The following PPARGC1B variants were observed in gnomAD, a reference collection of about 807,000 sequenced individuals.
The protein encoded by PPARGC1B is peroxisome proliferator-activated receptor gamma coactivator 1-beta.
PPARGC1B carries 34 observed loss-of-function variants against 101.6 expected under a neutral mutation model. The ratio of observed to expected loss-of-function variants is 0.33; its 90% CI spans 0.25 to 0.45. The LOEUF is 0.45. Ranked by LOEUF, PPARGC1B falls within the 20% of genes least tolerant of loss-of-function variation. PPARGC1B has a pLI of 1.00. For synonymous variants in PPARGC1B, 548 were observed against 539.3 expected (o/e 1.02, Z -0.22); for missense variants, 1,234 against 1,317.6 (o/e 0.94, Z 0.98).
intron 1 of PPARGC1B, among the ~76,000 whole-genome samples, chr5:149,752,462 G>A (rs577623131): frequency 2.8e-4 from 42 of 152,338 alleles, no homozygotes; most frequent in Admixed American, 4.6e-4. Flanking sequence ...ATACACTGTG[G>A]TTCAATGTGA....
intron 1 of PPARGC1B, among the ~76,000 whole-genome samples, chr5:149,751,861 A>G (rs573300972): frequency 1.2e-4 from 18 of 152,258 alleles, no homozygotes; most frequent in Admixed American, 6.5e-4. Context: ...GCCTCCTTTT[A>G]TGGGCGGATT....
chr5:149,825,560 G>A (rs1758482107), intron 2 of PPARGC1B, among the ~76,000 whole-genome samples: 1 of 152,230 alleles, frequency 6.6e-6, no homozygotes, highest in Admixed American at 6.5e-5. Context: ...ACCCTCAAGA[G>A]CCTGTAAGTC....
rs182015849 is a variant in PPARGC1B, at chr5:149,754,620, G to A, written c.78+24200G>A. ...CTTAAACTTTACAGCCAAGTCATCT[G>A]GTTAAACAGGTAGGCAGAGTGAGGC... is the stretch of plus-strand genomic sequence containing the variant. On this transcript the variant is annotated intron_variant, in intron 1 of 11. Coordinates refer to ENST00000309241, the MANE Select transcript of PPARGC1B (RefSeq NM_133263.4). 2.8e-3 allele frequency among the ~76,000 whole-genome samples: 427 copies of A among 152,178 alleles called. 1 individual carries two copies. The highest frequency in any genetic ancestry group is 5.0e-3 in the Non-Finnish European group (338 of 68,014).
chr5:149,815,562 T>G (rs109076), intron 1 of PPARGC1B, among the ~76,000 whole-genome samples: 37,427 of 151,976 alleles, frequency 0.25, 4,847 homozygotes, highest in African/African-American at 0.29. Context: ...TTTACTTACT[T>G]ACAATTTATT....
intron 1 of PPARGC1B, among the ~76,000 whole-genome samples, chr5:149,741,144 C>T (rs569058523): frequency 8.5e-5 from 13 of 152,252 alleles, no homozygotes; most frequent in African/African-American, 2.9e-4. Context: ...GGATGCTCCC[C>T]GACAGCTCTG....
chr5:149,741,160 G>A (rs775336724), intron 1 of PPARGC1B, among the ~76,000 whole-genome samples: 2 of 152,196 alleles, frequency 1.3e-5, no homozygotes, highest in African/African-American at 2.4e-5. Flanking sequence ...CTCTGCAGCC[G>A]TATTTTTTCC....
chr5:149,774,520 A>G (rs1012945381), intron 1 of PPARGC1B, among the ~76,000 whole-genome samples: 2 of 151,962 alleles, frequency 1.3e-5, no homozygotes, highest in African/African-American at 4.8e-5. Context: ...CCTGACCACA[A>G]TAATCACATC....
intron 1 of PPARGC1B, among the ~76,000 whole-genome samples, chr5:149,818,455 G>C (rs910677077): frequency 6.6e-6 from 1 of 152,194 alleles, no homozygotes; most frequent in Non-Finnish European, 1.5e-5. Context: ...GCCTGCTTGA[G>C]GACAGGGGAC....
Position 149,800,298 on chromosome 5 carries a change from C to T in PPARGC1B, c.79-20135C>T, listed in dbSNP as rs534450414. The stretch of plus-strand genomic sequence containing the variant: ...TTGGCAGTCTTCCCATAGCAGTGCA[C>T]GAGGGGAGGGATGGCTTTTGACCAG... On this transcript the variant is annotated intron_variant, in intron 1 of 11. Coordinates refer to ENST00000309241, the MANE Select transcript of PPARGC1B (RefSeq NM_133263.4). Among the ~76,000 whole-genome samples, 8 of 152,202 alleles carry T rather than the reference C, an allele frequency of 5.3e-5. No individual in the cohort carries two copies. In the South Asian group the frequency reaches 6.2e-4, roughly 12 times the overall value.
intron 1 of PPARGC1B, among the ~76,000 whole-genome samples, chr5:149,764,360 A>C (rs999560384): frequency 6.6e-6 from 1 of 152,308 alleles, no homozygotes; most frequent in Admixed American, 6.5e-5. Flanking sequence ...CCAGCCCTGC[A>C]CTGGAGGCTG....
chr5:149,842,190 A>G, intron 9 of PPARGC1B, 66 bp from the exon 10 acceptor site: 2 of 1,590,934 alleles, frequency 1.3e-6, no homozygotes, highest in Non-Finnish European at 1.7e-6. Flanking sequence ...ACGGGAGCCC[A>G]CTCCCAGAGG....
intron 7 of PPARGC1B, among the ~76,000 whole-genome samples, chr5:149,835,944 G>A (rs1276254251): frequency 6.6e-6 from 1 of 150,468 alleles, no homozygotes; most frequent in Non-Finnish European, 1.5e-5. Context: ...CCCAAACTAG[G>A]GTCTTTTTTT....
intron 1 of PPARGC1B, among the ~76,000 whole-genome samples, chr5:149,743,092 T>C (rs1754966632): frequency 6.6e-6 from 1 of 151,996 alleles, no homozygotes; most frequent in African/African-American, 2.4e-5. Context: ...TGGCCTTCCC[T>C]GGAGCCTGGT....
At position 149,832,974 on chromosome 5, in the gene PPARGC1B, C is replaced by G. The variant is rs146263616; in HGVS notation, c.901C>G (p.Gln301Glu). The G allele has an allele frequency of 7.4e-6, 12 of 1,613,352 alleles. No individual in the cohort carries two copies. The African/African-American group carries it at 1.3e-4, about 18-fold the overall frequency. The change falls in exon 5 of 12, where the codon CAG (glutamine) becomes GAG (glutamate). Residue 301 changes from glutamine to glutamate, a missense_variant. Physicochemically the swap from Gln to Glu is conservative, Grantham distance 29 (BLOSUM62 2). This residue lies in a region of PPARGC1B where 734 missense variants were observed against 768.4 expected (regional missense o/e 0.96). Transcript: ENST00000309241. The surrounding 1 kb of genome is among the most constrained non-coding windows in gnomAD (Gnocchi z 4.9). ...IRYMHTYCLP[Q>E]RKLPPQTPEP... ...CTACATGCACACCTACTGCCTCCCC[C>G]AGAGGAAGCTGCCCCCACAGACCCC... is the stretch of plus-strand genomic sequence containing the variant.
At chr5:149,757,129 A>G (rs1004199320) in intron 1 of PPARGC1B, among the ~76,000 whole-genome samples, 4 of 152,202 alleles carry the variant, frequency 2.6e-5, no homozygotes, top group Non-Finnish European at 4.4e-5. Context: ...GGGTTATGCT[A>G]GAAAGTGCGG....
Position 149,807,497 on chromosome 5 carries a change from A to G in PPARGC1B, c.79-12936A>G, listed in dbSNP as rs576732321. On this transcript the variant is annotated intron_variant, in intron 1 of 11. Coordinates refer to ENST00000309241, the MANE Select transcript of PPARGC1B (RefSeq NM_133263.4). ...CCAAGGTCAGAATTCCAGCGAGTAG[A>G]CTGCCAGAGGACATCCTGATTGCAG... Among the ~76,000 whole-genome samples the G allele has an allele frequency of 3.0e-4, 46 of 152,260 alleles. No homozygotes were observed. The East Asian group carries it at 8.5e-3, about 28-fold the overall frequency.
intron 3 of PPARGC1B, among the ~76,000 whole-genome samples, chr5:149,828,101 C>T (rs1380796456): frequency 6.6e-6 from 1 of 152,192 alleles, no homozygotes; most frequent in Non-Finnish European, 1.5e-5. Flanking sequence ...CACAGCAAGT[C>T]AGTGTGCCAG....
In PPARGC1B at chr5:149,832,504, T is replaced by C. The variant is rs1178383529; in HGVS notation, c.583-152T>C. 3 of 644,826 alleles carry C rather than the reference T, an allele frequency of 4.7e-6. No homozygotes were observed. The highest frequency in any genetic ancestry group is 7.9e-6 in the Non-Finnish European group (3 of 379,684). 39.9% of individuals were successfully genotyped at this position (644,826 alleles called of 1,614,324 possible). A position where few individuals can be genotyped will look rare whatever the true frequency, so the allele number is the denominator to read the frequency against. On this transcript the variant is annotated intron_variant, in intron 4 of 11. Coordinates refer to ENST00000309241, the MANE Select transcript of PPARGC1B (RefSeq NM_133263.4). This position sits in a 1 kb window ranked among gnomAD's most constrained non-coding sequence, Gnocchi z 4.9. ...CACTGAGCACAGCCAGGTGCCCGGCTCTGTGTGGGAAGCTGGGGACGGAAT... is the reference window on the plus strand; with the variant it reads ...CACTGAGCACAGCCAGGTGCCCGGCCCTGTGTGGGAAGCTGGGGACGGAAT...
chr5:149,832,591 C>A lies in PPARGC1B; in HGVS notation c.583-65C>A. The A allele has an allele frequency of 7.6e-7, 1 of 1,310,024 alleles. No individual in the cohort carries two copies. The highest frequency in any genetic ancestry group is 1.0e-6 in the Non-Finnish European group (1 of 955,320). 81.2% of individuals were successfully genotyped at this position (1,310,024 alleles called of 1,614,324 possible). A position where few individuals can be genotyped will look rare whatever the true frequency, so the allele number is the denominator to read the frequency against. ...CACAATGGGCCAGCCAGTGACCATG[C>A]GGATGAGACACATGGGAGGAGTGTT... On this transcript the variant is annotated intron_variant, in intron 4 of 11. Coordinates refer to ENST00000309241, the MANE Select transcript of PPARGC1B (RefSeq NM_133263.4). The surrounding 1 kb of genome is among the most constrained non-coding windows in gnomAD (Gnocchi z 4.9).
Sources: gnomAD v4.1 joint callset for allele counts (sites outside exome capture counted in the v4.1 genomes callset) on GRCh38, gnomAD v4.1.1 for gene constraint, gnomAD v4.1.1 regional missense constraint, Gnocchi (gnomAD v3.1) non-coding constraint, MANE v1.5 for transcripts, NCBI Gene and HGNC (gene_info 2026-07-23, HGNC 2026-07-21) for gene names.